SMARCA4: variants seen among roughly 807,000 people sequenced by gnomAD.
The protein encoded by SMARCA4 is SWI/SNF-related matrix-associated actin-dependent regulator of chromatin subfamily A member 4.
A neutral mutation model predicts 193.9 loss-of-function variants in SMARCA4; 31 were observed. The ratio of observed to expected loss-of-function variants is 0.16; its 90% CI spans 0.12 to 0.22. The LOEUF (loss-of-function observed/expected upper bound fraction) is 0.22, where lower values mean the gene tolerates loss of function less well. Ranked by LOEUF, SMARCA4 falls within the 10% of genes least tolerant of loss-of-function variation. SMARCA4 has a pLI of 1.00. For synonymous variants in SMARCA4, 942 were observed against 933.1 expected (o/e 1.01, Z -0.17); for missense variants, 1,148 against 2,296.0 (o/e 0.50, Z 10.22).
In SMARCA4 at chr19:11,036,629, A is replaced by AC. The variant is rs1341465691; in HGVS notation, c.4170+1498dup. ...CAGTTCATACGTGGCTGCTCTATGT[A>AC]CATTTTTTTCTAGGTGTAATTTACA... On this transcript the variant is annotated intron_variant, in intron 29 of 34. Transcript: ENST00000344626. Among the ~76,000 whole-genome samples, 6 of 152,252 alleles carry AC rather than the reference A, an allele frequency of 3.9e-5. No individual in the cohort carries two copies. The East Asian group carries it at 7.7e-4, about 20-fold the overall frequency.
At chr19:10,967,469 C>T (rs2084314381) in intron 1 of SMARCA4, among the ~76,000 whole-genome samples, 1 of 151,464 alleles carries the variant, frequency 6.6e-6, no homozygotes, top group African/African-American at 2.4e-5. Flanking sequence ...CGCCACCACG[C>T]CCGGCTAATT....
At chr19:10,980,712 C>T (rs2085493345) in intron 1 of SMARCA4, 1 of 152,110 alleles carries the variant, frequency 6.6e-6, no homozygotes, top group South Asian at 2.1e-4. Context: ...TGTCCACCTT[C>T]AGAGAGGGAA....
rs183433924 is a variant in SMARCA4 at position 11,019,750 on chromosome 19, C to T, written c.2616+49C>T. ...CCAGGCCATGGGCCGAGTGCTCACA[C>T]GTGGGTCACGCTGCCCGTCTCCTCC... On this transcript the variant is annotated intron_variant, in intron 18 of 34. Coordinates refer to ENST00000344626, the MANE Select transcript of SMARCA4 (RefSeq NM_003072.5). This position sits in a 1 kb window ranked among gnomAD's most constrained non-coding sequence, Gnocchi z 6.1. 7.3e-5 allele frequency: 95 copies of T among 1,304,998 alleles called. No individual in the cohort carries two copies. The African/African-American group carries it at 1.2e-3, about 17-fold the overall frequency. 80.8% of individuals were successfully genotyped at this position (1,304,998 alleles called of 1,614,324 possible).
chr19:11,051,145 C>A (rs1351174312), intron 30 of SMARCA4, among the ~76,000 whole-genome samples: 1 of 152,244 alleles, frequency 6.6e-6, no homozygotes, highest in African/African-American at 2.4e-5. Flanking sequence ...CCAGGATTTG[C>A]TGGAAGAAGC....
At position 11,035,015 on chromosome 19, in the gene SMARCA4, C is replaced by T. The variant is rs28997582; in HGVS notation, c.4053C>T (p.Asp1351=). ...DELPSWIIKD[D]AEVERLTCEE... The stretch of plus-strand genomic sequence containing the variant: ...TCCCCTCGTGGATCATCAAGGACGA[C>T]GCGGAGGTGGAGCGGCTGACCTGTG... Residue 1351 remains aspartate (D), a synonymous_variant, in exon 29 of 35, where the codon GAC becomes GAT. Transcript: ENST00000344626. 101,793 of 1,611,880 alleles carry T rather than the reference C, an allele frequency of 0.063. 3,655 individuals carry two copies. Among genetic ancestry groups the T allele is most frequent in the South Asian group, 0.1 (9,264 of 90,846 alleles).
chr19:11,003,102 C>T lies in SMARCA4; in HGVS notation c.1886C>T (p.Thr629Ile), dbSNP rs947818318. Residue 629 changes from threonine (T) to isoleucine (I), a missense_variant, in exon 12 of 35, where the codon ACA becomes ATA. Coordinates refer to ENST00000344626, the MANE Select transcript of SMARCA4 (RefSeq NM_003072.5). ...CACGTGGAGAGTGGGAAGATCCTCA[C>T]AGGCACAGATGCCCCCAAAGCCGGG... Reference protein sequence around the residue: ...VIHVESGKILTGTDAPKAGQL... With the variant: ...VIHVESGKILIGTDAPKAGQL... The T allele has an allele frequency of 5.0e-6, 8 of 1,614,044 alleles. No homozygotes were observed. The highest frequency in any genetic ancestry group is 6.8e-6 in the Non-Finnish European group (8 of 1,180,028).
In SMARCA4 at chr19:11,030,854, C is replaced by T; in HGVS notation, c.3507C>T (p.Asp1169=). 6.2e-7 allele frequency: 1 copy of T among 1,610,240 alleles called. No individual in the cohort carries two copies. Among genetic ancestry groups the T allele is most frequent in the Non-Finnish European group, 8.5e-7 (1 of 1,178,610 alleles). The change falls in exon 25 of 35, where the codon GAC becomes GAT. Residue 1169 remains aspartate, a synonymous_variant. Transcript: ENST00000344626. The surrounding 1 kb of genome is among the most constrained non-coding windows in gnomAD (Gnocchi z 5.5). ...GGLGLNLQSA[D]TVIIFDSDWN... is the part of the protein sequence containing the mutation. ...TCGGCCTGAACCTCCAGTCGGCAGACACTGTGATCATTTTTGACAGCGACT... is the reference window on the plus strand; with the variant it reads ...TCGGCCTGAACCTCCAGTCGGCAGATACTGTGATCATTTTTGACAGCGACT...
intron 30 of SMARCA4, among the ~76,000 whole-genome samples, chr19:11,057,548 G>T (rs2076614140): frequency 6.6e-6 from 1 of 152,082 alleles, no homozygotes; most frequent in South Asian, 2.1e-4. Flanking sequence ...GACCAACATG[G>T]TGAAACCCTG....
At chr19:11,029,776 C>T (rs949805189) in intron 24 of SMARCA4, among the ~76,000 whole-genome samples, 6 of 152,168 alleles carry the variant, frequency 3.9e-5, no homozygotes, top group Non-Finnish European at 7.4e-5. Context: ...TGGATTCAAG[C>T]GATTCTCCTG....
chr19:11,034,029 G>A lies in SMARCA4; in HGVS notation c.3874-94G>A. ...CACCGCAGCCGTGCCGGGACCACCA[G>A]CTCATTCCCACGGACGCCGCCGCTC... On this transcript the variant is annotated intron_variant, in intron 27 of 34. Coordinates refer to ENST00000344626, the MANE Select transcript of SMARCA4 (RefSeq NM_003072.5). This position sits in a 1 kb window ranked among gnomAD's most constrained non-coding sequence, Gnocchi z 7.0. The A allele has an allele frequency of 1.1e-6, 1 of 942,338 alleles. No individual in the cohort carries two copies. Among genetic ancestry groups the A allele is most frequent in the Non-Finnish European group, 1.7e-6 (1 of 571,964 alleles). The allele number at this position is 942,338 out of a possible 1,614,324, so 58.4% of individuals were successfully genotyped here. A position where few individuals can be genotyped will look rare whatever the true frequency, so the allele number is the denominator to read the frequency against.
intron 1 of SMARCA4, chr19:10,983,745 A>C: frequency 1.2e-5 from 3 of 242,972 alleles, no homozygotes; most frequent in Non-Finnish European, 2.5e-5. Context: ...GTCAGAGGCT[A>C]TTTGAGCTAT....
intron 30 of SMARCA4, among the ~76,000 whole-genome samples, chr19:11,045,911 G>A (rs752584597): frequency 6.6e-6 from 1 of 151,624 alleles, no homozygotes; most frequent in Admixed American, 6.6e-5. Flanking sequence ...GTGAGACTCT[G>A]TCTCTATTTA....
At chr19:11,021,435 T>C in intron 18 of SMARCA4, 1 of 526,228 alleles carries the variant, frequency 1.9e-6, no homozygotes, top group Middle Eastern at 2.9e-4. Flanking sequence ...TAGATTCATA[T>C]GTGTGATTTT....
At chr19:11,050,525 G>A (rs1701971166) in intron 30 of SMARCA4, among the ~76,000 whole-genome samples, 4 of 152,254 alleles carry the variant, frequency 2.6e-5, no homozygotes, top group African/African-American at 9.6e-5. Flanking sequence ...GGCCTGAGCT[G>A]CTGCCTTGCC....
At chr19:11,051,213 A>G (rs534929041) in intron 30 of SMARCA4, among the ~76,000 whole-genome samples, 1 of 152,332 alleles carries the variant, frequency 6.6e-6, no homozygotes, top group Non-Finnish European at 1.5e-5. Context: ...TCAGTGATAG[A>G]GACCTTTACA....
At chr19:11,060,325 C>G in intron 34 of SMARCA4, 138 bp downstream of exon 34, 1 of 1,103,426 alleles carries the variant, frequency 9.1e-7, no homozygotes, top group Non-Finnish European at 1.3e-6. Flanking sequence ...CCTGCCATGG[C>G]TGACCCCAGG....
At chr19:11,007,084 C>T (rs556600355) in intron 13 of SMARCA4, among the ~76,000 whole-genome samples, 3 of 151,936 alleles carry the variant, frequency 2.0e-5, no homozygotes, top group African/African-American at 7.2e-5. Context: ...AAGACCCCAT[C>T]TCAACAATAA....
At chr19:11,027,435 G>A (rs1396217644) in intron 23 of SMARCA4, among the ~76,000 whole-genome samples, 1 of 152,138 alleles carries the variant, frequency 6.6e-6, no homozygotes, top group Non-Finnish European at 1.5e-5. Context: ...CTTCTTTATC[G>A]GGCAAGGGGA....
At chr19:11,052,203 T>A (rs58183075) in intron 30 of SMARCA4, among the ~76,000 whole-genome samples, 1 of 152,070 alleles carries the variant, frequency 6.6e-6, no homozygotes, top group Non-Finnish European at 1.5e-5. Context: ...GGAGACAAGA[T>A]TGAGTGACTG....
Sources: allele counts gnomAD v4.1 joint callset (sites outside exome capture counted in the v4.1 genomes callset), GRCh38; gene constraint gnomAD v4.1.1; non-coding constraint Gnocchi (gnomAD v3.1); transcripts MANE v1.5; gene names NCBI Gene and HGNC (gene_info 2026-07-23, HGNC 2026-07-21).